CDKAL1: variants seen among roughly 807,000 people sequenced by gnomAD.
CDKAL1 encodes CDKAL1 threonylcarbamoyladenosine tRNA methylthiotransferase.
Under a neutral mutation model 68.2 loss-of-function variants are expected in CDKAL1, and 32 were observed. The ratio of observed to expected loss-of-function variants is 0.47; its 90% CI spans 0.35 to 0.63. The LOEUF (loss-of-function observed/expected upper bound fraction) is 0.63. Ranked by LOEUF, CDKAL1 falls within the 30% of genes least tolerant of loss-of-function variation. The pLI, the probability that CDKAL1 is intolerant of heterozygous loss-of-function variation, is 0.00. For missense variants in CDKAL1, 606 were observed against 696.7 expected (o/e 0.87, Z 1.47); for synonymous variants, 234 against 244.3 (o/e 0.96, Z 0.39).
intron 9 of CDKAL1, among the ~76,000 whole-genome samples, chr6:20,894,508 C>T (rs1761577297): frequency 6.7e-6 from 1 of 150,140 alleles, no homozygotes; most frequent in Non-Finnish European, 1.5e-5. Flanking sequence ...GTGTAAGCTG[C>T]TCTGGTTTTA....
chr6:21,193,646 G>A (rs1778348840), intron 13 of CDKAL1, among the ~76,000 whole-genome samples: 1 of 152,074 alleles, frequency 6.6e-6, no homozygotes, highest in South Asian at 2.1e-4. Flanking sequence ...CCATATATGT[G>A]GCATCTGTTG....
chr6:20,958,497 A>G (rs1238533138), intron 10 of CDKAL1, among the ~76,000 whole-genome samples: 1 of 152,200 alleles, frequency 6.6e-6, no homozygotes, highest in Non-Finnish European at 1.5e-5. Flanking sequence ...TGTGCACAGC[A>G]ATACCTTGTA....
intron 11 of CDKAL1, among the ~76,000 whole-genome samples, chr6:21,031,068 C>T (rs1582062686): frequency 6.6e-6 from 1 of 152,074 alleles, no homozygotes; most frequent in East Asian, 1.9e-4. Context: ...TTCTCAGAGT[C>T]TCACTGGGCT....
chr6:21,056,075 G>A (rs1770819640), intron 11 of CDKAL1, among the ~76,000 whole-genome samples: 1 of 152,164 alleles, frequency 6.6e-6, no homozygotes, highest in Non-Finnish European at 1.5e-5. Context: ...TGACTGGTGT[G>A]AGATGGTATG....
intron 11 of CDKAL1, among the ~76,000 whole-genome samples, chr6:21,041,618 G>GTATTCTGGAT (rs1352297586): frequency 4.6e-5 from 5 of 109,812 alleles, no homozygotes; most frequent in African/African-American, 1.5e-4. Context: ...TTTTTTTTTG[G>GTATTCTGGAT]TATTCTGGAT....
At chr6:20,611,216 T>C (rs1766603041) in intron 4 of CDKAL1, among the ~76,000 whole-genome samples, 1 of 152,206 alleles carries the variant, frequency 6.6e-6, no homozygotes, top group Non-Finnish European at 1.5e-5. Flanking sequence ...TGCTTAGGGC[T>C]CTAGGGATTC....
chr6:20,959,548 C>CTTT (rs752785251), intron 10 of CDKAL1, among the ~76,000 whole-genome samples: 1 of 143,928 alleles, frequency 6.9e-6, no homozygotes, highest in African/African-American at 2.5e-5. Context: ...TCCTCTATAT[C>CTTT]TTTTTTTTTT....
intron 4 of CDKAL1, among the ~76,000 whole-genome samples, chr6:20,607,757 C>T (rs962721507): frequency 2.6e-5 from 4 of 151,600 alleles, no homozygotes; most frequent in South Asian, 2.1e-4. Flanking sequence ...TGCAGTGGTG[C>T]GATCTCAGCT....
chr6:20,987,943 CTTTT>C (rs11300877), intron 10 of CDKAL1, among the ~76,000 whole-genome samples: 4 of 123,260 alleles, frequency 3.2e-5, no homozygotes, highest in Non-Finnish European at 3.3e-5. Context: ...CCATCCCCAG[CTTTT>C]TTTTTTTTTT....
chr6:21,136,853 A>G (rs1775629360), intron 13 of CDKAL1, among the ~76,000 whole-genome samples: 1 of 152,150 alleles, frequency 6.6e-6, no homozygotes, highest in Non-Finnish European at 1.5e-5. Context: ...ATAGCACTGA[A>G]CTCTGATGTG....
At chr6:21,059,001 A>AGC (rs1770992214) in intron 11 of CDKAL1, among the ~76,000 whole-genome samples, 1 of 152,220 alleles carries the variant, frequency 6.6e-6, no homozygotes, top group East Asian at 1.9e-4. Flanking sequence ...CTAAATAGCC[A>AGC]GCAGGCAGGA....
chr6:20,849,364 A>C (rs1758879032), intron 9 of CDKAL1, among the ~76,000 whole-genome samples: 1 of 152,106 alleles, frequency 6.6e-6, no homozygotes. Flanking sequence ...CGGGTGGATC[A>C]CAAGGTCAGG....
rs1776283104 is a variant in CDKAL1 at position 21,148,664 on chromosome 6, A to T, written c.1299+40201A>T. Among the ~76,000 whole-genome samples, 3 of 152,156 alleles carry T rather than the reference A, an allele frequency of 2.0e-5. No individual in the cohort carries two copies. In the South Asian group the frequency reaches 6.2e-4, roughly 32 times the overall value. On this transcript the variant is annotated intron_variant, in intron 13 of 15. Coordinates refer to ENST00000274695, the MANE Select transcript of CDKAL1 (RefSeq NM_017774.3). ...AGTAACTACTGCTTCAGGCTTTTAA[A>T]AAACACTGATTATGTTTTCAAAGTT...
At chr6:20,614,149 T>C (rs1354564135) in intron 4 of CDKAL1, among the ~76,000 whole-genome samples, 1 of 152,202 alleles carries the variant, frequency 6.6e-6, no homozygotes, top group East Asian at 1.9e-4. Flanking sequence ...AGGTACTCTC[T>C]ATTTGGGAAA....
intron 12 of CDKAL1, among the ~76,000 whole-genome samples, chr6:21,098,386 G>A (rs1188570446): frequency 1.3e-5 from 2 of 152,136 alleles, no homozygotes; most frequent in Non-Finnish European, 2.9e-5. Flanking sequence ...CAATGTGGAA[G>A]CTCAGGTTAC....
At chr6:21,058,782 T>G (rs1258134893) in intron 11 of CDKAL1, among the ~76,000 whole-genome samples, 1 of 152,146 alleles carries the variant, frequency 6.6e-6, no homozygotes, top group Non-Finnish European at 1.5e-5. Flanking sequence ...GCCTGCTCCT[T>G]CATCTTGGAC....
intron 5 of CDKAL1, among the ~76,000 whole-genome samples, chr6:20,660,517 G>A (rs749405318): frequency 4.6e-5 from 7 of 152,200 alleles, no homozygotes; most frequent in Non-Finnish European, 7.3e-5. Flanking sequence ...GTATTCCTGA[G>A]GGAAGTTGTA....
intron 12 of CDKAL1, among the ~76,000 whole-genome samples, chr6:21,075,581 T>C (rs573648055): frequency 6.6e-6 from 1 of 152,266 alleles, no homozygotes; most frequent in Non-Finnish European, 1.5e-5. Context: ...TTTTAGCTTT[T>C]ACAAGACTAT....
At chr6:20,778,305 A>G (rs1036003222) in intron 7 of CDKAL1, among the ~76,000 whole-genome samples, 30 of 152,218 alleles carry the variant, frequency 2.0e-4, no homozygotes, top group African/African-American at 6.8e-4. Context: ...TTGAAAAAAC[A>G]TTTACTTTTC....
Sources: gnomAD v4.1 joint callset for allele counts (sites outside exome capture counted in the v4.1 genomes callset) on GRCh38, gnomAD v4.1.1 for gene constraint, MANE v1.5 for transcripts, NCBI Gene and HGNC (gene_info 2026-07-23, HGNC 2026-07-21) for gene names.